FAM20C: variants seen among roughly 807,000 people sequenced by gnomAD.
FAM20C encodes the protein FAM20C golgi associated secretory pathway kinase.
FAM20C carries 40 observed loss-of-function variants against 51.5 expected under a neutral mutation model. That is an observed-to-expected ratio of 0.78 (90% CI 0.60 to 1.01). The LOEUF (loss-of-function observed/expected upper bound fraction) is 1.01, where lower values mean the gene tolerates loss of function less well. FAM20C is among the 50% of genes least tolerant of loss of function. The pLI, the probability that FAM20C is intolerant of heterozygous loss-of-function variation, is 0.00. For synonymous variants in FAM20C, 406 were observed against 380.6 expected, an observed-to-expected ratio of 1.07 and a Z score of -0.78; for missense variants, 861 against 844.7, an observed-to-expected ratio of 1.02 and a Z score of -0.24.
Position 192,622 on chromosome 7 carries a change from C to T in FAM20C, c.-578C>T, listed in dbSNP as rs973822638. Among the ~76,000 whole-genome samples, 1 of 150,200 alleles carries T rather than the reference C, an allele frequency of 6.7e-6. No homozygotes were observed. Among genetic ancestry groups the T allele is most frequent in the African/African-American group, 2.4e-5 (1 of 41,224 alleles). On this transcript the variant is annotated 5_prime_UTR_variant, in exon 1 of 10. Transcript: ENST00000313766. ...GCTCGGGGCGGCCGCTGCACCTGCC[C>T]GGGACCCCGCCGGCCGCTCCCCGCG...
chr7:206,432 A>G (rs1786383573), intron 2 of FAM20C, among the ~76,000 whole-genome samples: 1 of 151,172 alleles, frequency 6.6e-6, no homozygotes, highest in African/African-American at 2.4e-5. Flanking sequence ...ACCAGCCCCC[A>G]TCCCACCTTT....
At chr7:209,985 G>C (rs911365642) in intron 3 of FAM20C, among the ~76,000 whole-genome samples, 3 of 152,158 alleles carry the variant, frequency 2.0e-5, no homozygotes, top group Non-Finnish European at 2.9e-5. Flanking sequence ...CAAGACCCAC[G>C]AGTCCTGCCT....
At chr7:256,445 A>T (rs1191396624) in intron 6 of FAM20C, 2 of 592,444 alleles carry the variant, frequency 3.4e-6, no homozygotes, top group Non-Finnish European at 3.0e-6. Context: ...AGGCAGCTCC[A>T]GGTGGGGTCA....
In FAM20C at chr7:193,676, C is replaced by T; in HGVS notation, c.477C>T (p.Ser159=). Residue 159 remains serine, a synonymous_variant, in exon 1 of 10, where the codon TCC becomes TCT. Transcript: ENST00000313766. ...ESPPGPGGDA[S]LLARLFEHPL... The stretch of plus-strand genomic sequence containing the variant: ...CCCCCGGCCCCGGCGGAGACGCCTC[C>T]CTCCTGGCCAGGCTGTTCGAGCACC... 4 of 1,541,630 alleles carry T rather than the reference C, an allele frequency of 2.6e-6. No individual in the cohort carries two copies. The highest frequency in any genetic ancestry group is 1.2e-5 in the South Asian group (1 of 83,364).
intron 4 of FAM20C, among the ~76,000 whole-genome samples, chr7:247,118 C>G (rs1277805711): frequency 2.6e-5 from 4 of 152,218 alleles, no homozygotes; most frequent in African/African-American, 9.6e-5. Context: ...AGCAGGCTTC[C>G]TAAGGAGGGG....
intron 3 of FAM20C, among the ~76,000 whole-genome samples, chr7:240,402 AATG>A (rs1339085513): frequency 0.01 from 167 of 16,406 alleles, 1 homozygote; most frequent in African/African-American, 0.035. Flanking sequence ...TAATAGTGAT[AATG>A]ATGATGATGA....
chr7:256,939 C>T, intron 7 of FAM20C, 66 bp from the exon 8 acceptor site: 1 of 1,502,662 alleles, frequency 6.7e-7, no homozygotes, highest in Non-Finnish European at 9.0e-7. Context: ...CTGCAGAGCA[C>T]AGAGGCCTCT....
At position 202,294 on chromosome 7, in the gene FAM20C, G is replaced by A. The variant is rs576937077; in HGVS notation, c.784+6562G>A. 2.0e-4 allele frequency among the ~76,000 whole-genome samples: 30 copies of A among 150,422 alleles called. 1 individual carries two copies. The highest frequency in any genetic ancestry group is 7.1e-4 in the African/African-American group (29 of 40,766). ...GGTGGCTGCTGGGTGGGATTGTACT[G>A]GGGAATGGGGGGGCCCTATGGATAT... On this transcript the variant is annotated intron_variant, in intron 2 of 9. Transcript: ENST00000313766.
chr7:215,235 G>T (rs542222969), intron 3 of FAM20C, among the ~76,000 whole-genome samples: 6 of 129,436 alleles, frequency 4.6e-5, no homozygotes, highest in Admixed American at 8.2e-5. Context: ...AGCTGGGGGG[G>T]GGAGCAGGGC....
chr7:203,394 C>A (rs1786218013), intron 2 of FAM20C, among the ~76,000 whole-genome samples: 1 of 152,194 alleles, frequency 6.6e-6, no homozygotes, highest in Non-Finnish European at 1.5e-5. Context: ...CAAGGCCTGG[C>A]CTGTGTCCTG....
chr7:208,363 G>T (rs551327365), intron 2 of FAM20C, among the ~76,000 whole-genome samples: 100 of 135,526 alleles, frequency 7.4e-4, no homozygotes, highest in African/African-American at 3.2e-3. Context: ...GTAGGGTGTG[G>T]TGTGTGTAGG....
intron 4 of FAM20C, among the ~76,000 whole-genome samples, chr7:247,476 T>G (rs987972682): frequency 6.6e-6 from 1 of 152,206 alleles, no homozygotes; most frequent in African/African-American, 2.4e-5. Context: ...CTAGTTGGAA[T>G]GCAGAGTCCT....
intron 5 of FAM20C, among the ~76,000 whole-genome samples, chr7:249,796 T>C (rs774662682): frequency 6.6e-5 from 10 of 152,044 alleles, no homozygotes; most frequent in Non-Finnish European, 1.0e-4. Context: ...GGCTCAGTCC[T>C]CCTCTCCAAG....
At chr7:227,706 T>C (rs1787500337) in intron 3 of FAM20C, 1 of 152,200 alleles carries the variant, frequency 6.6e-6, no homozygotes, top group African/African-American at 2.4e-5. Flanking sequence ...GTCCTGTCCA[T>C]GAATACTGGA....
chr7:252,520 G>A (rs1244860314), intron 5 of FAM20C, among the ~76,000 whole-genome samples: 1 of 151,456 alleles, frequency 6.6e-6, no homozygotes, highest in Non-Finnish European at 1.5e-5. Context: ...CGGAAGCCCT[G>A]CTGGAGCCCA....
intron 2 of FAM20C, 40 bp from the exon 3 acceptor site, chr7:208,858 G>A (rs1786570946): frequency 6.5e-7 from 1 of 1,548,386 alleles, no homozygotes; most frequent in African/African-American, 1.4e-5. Context: ...AGGGGCGTGA[G>A]GCCAGAGAGT....
chr7:198,284 C>T (rs1369970715), intron 2 of FAM20C, among the ~76,000 whole-genome samples: 1 of 152,188 alleles, frequency 6.6e-6, no homozygotes, highest in East Asian at 1.9e-4. Context: ...AATCCTGGCT[C>T]TGCCAGCCAT....
chr7:248,134 C>T (rs1187111882), intron 4 of FAM20C, among the ~76,000 whole-genome samples, 181 bp from the exon 5 acceptor site: 3 of 151,008 alleles, frequency 2.0e-5, no homozygotes, highest in South Asian at 2.1e-4. Context: ...CCCCCATCAC[C>T]GTGGGGCCAG....
chr7:255,159 G>T (rs1472320227), intron 5 of FAM20C, among the ~76,000 whole-genome samples: 1 of 152,198 alleles, frequency 6.6e-6, no homozygotes, highest in African/African-American at 2.4e-5. Flanking sequence ...ATCAGTTGGG[G>T]GCTGCAGACC....
Sources: allele counts gnomAD v4.1 joint callset (sites outside exome capture counted in the v4.1 genomes callset), GRCh38; gene constraint gnomAD v4.1.1; transcripts MANE v1.5; gene names NCBI Gene and HGNC (gene_info 2026-07-23, HGNC 2026-07-21).